The following L3MBTL2 variants were observed in gnomAD, a reference collection of about 807,000 sequenced individuals.
L3MBTL2 encodes L3MBTL histone methyl-lysine binding protein 2, also known as lethal(3)malignant brain tumor-like protein 2.
Under a neutral mutation model 86.4 loss-of-function variants are expected in L3MBTL2, and 49 were observed. The ratio of observed to expected loss-of-function variants is 0.57; its 90% CI spans 0.45 to 0.72. The LOEUF (loss-of-function observed/expected upper bound fraction) is 0.72, where lower values mean the gene tolerates loss of function less well. L3MBTL2 is among the 30% of genes least tolerant of loss of function. The pLI, the probability that L3MBTL2 is intolerant of heterozygous loss-of-function variation, is 0.00. For synonymous variants in L3MBTL2, 336 were observed against 350.6 expected (o/e 0.96, Z 0.47); for missense variants, 755 against 923.7 (o/e 0.82, Z 2.37).
At chr22:41,221,353 C>T in intron 8 of L3MBTL2, 66 bp downstream of exon 8, 1 of 1,317,550 alleles carries the variant, frequency 7.6e-7, no homozygotes, top group Non-Finnish European at 1.1e-6. Flanking sequence ...TCCTGCATGC[C>T]ACTCACTGGA....
rs139475 is a variant in L3MBTL2 at position 41,227,992 on chromosome 22, C to T, written c.1888+123C>T. On this transcript the variant is annotated intron_variant, in intron 15 of 16. Coordinates refer to ENST00000216237, the MANE Select transcript of L3MBTL2 (RefSeq NM_031488.5). This position sits in a 1 kb window ranked among gnomAD's most constrained non-coding sequence, Gnocchi z 6.0. The stretch of plus-strand genomic sequence containing the variant: ...CCCAGGTGCTGTCCTACTGACGTAG[C>T]TCTCTTCGTGTTCCTGTCCTGTCTC... The T allele has an allele frequency of 0.36, 529,031 of 1,458,450 alleles. 97,637 individuals are homozygous for T. The highest frequency in any genetic ancestry group is 0.44 in the African/African-American group (30,681 of 69,942). 90.3% of individuals were successfully genotyped at this position (1,458,450 alleles called of 1,614,324 possible).
At position 41,227,850 on chromosome 22, in the gene L3MBTL2, G is replaced by T. The variant is rs1251171816; in HGVS notation, c.1869G>T (p.Lys623Asn). The T allele has an allele frequency of 5.6e-6, 9 of 1,612,434 alleles. No individual in the cohort carries two copies. Among genetic ancestry groups the T allele is most frequent in the Non-Finnish European group, 6.8e-6 (8 of 1,179,270 alleles). ...CCAAAGAGGCCACAAAGAAGAAAAA[G>T]AAACAGTTTGGGAAGAAAAGTAAGT... ...LKAKEATKKKKKQFGKKRKRI... is the reference protein window; with the variant it reads ...LKAKEATKKKNKQFGKKRKRI... The change falls in exon 15 of 17, where the codon AAG becomes AAT. Residue 623 changes from lysine to asparagine, a missense_variant. Coordinates refer to ENST00000216237, the MANE Select transcript of L3MBTL2 (RefSeq NM_031488.5). The surrounding 1 kb of genome is among the most constrained non-coding windows in gnomAD (Gnocchi z 6.0).
At chr22:41,220,223 G>A (rs964007069) in intron 6 of L3MBTL2, among the ~76,000 whole-genome samples, 12 of 152,196 alleles carry the variant, frequency 7.9e-5, no homozygotes, top group Non-Finnish European at 1.0e-4. Context: ...TTCATTCCAA[G>A]GATGATCAGG....
At chr22:41,221,723 CAGCCTCCCAAGT>C (rs1214582665) in intron 8 of L3MBTL2, among the ~76,000 whole-genome samples, 1 of 151,976 alleles carries the variant, frequency 6.6e-6, no homozygotes, top group African/African-American at 2.4e-5. Context: ...TCTCCTGCCT[CAGCCTCCCAAGT>C]AGCTGGGACT....
chr22:41,210,144 T>C (rs1449041620), intron 2 of L3MBTL2: 2 of 134,450 alleles, frequency 1.5e-5, no homozygotes, highest in East Asian at 1.9e-4. Flanking sequence ...GTCTAATTTC[T>C]TTTTTTTTTT....
chr22:41,215,785 C>T (rs141085566), intron 3 of L3MBTL2, among the ~76,000 whole-genome samples: 64 of 152,208 alleles, frequency 4.2e-4, no homozygotes, highest in African/African-American at 1.4e-3. Context: ...AGTTCATGAG[C>T]GTTTCTGGGC....
intron 3 of L3MBTL2, 82 bp from the exon 4 acceptor site, chr22:41,216,057 C>A: frequency 2.0e-6 from 3 of 1,479,842 alleles, no homozygotes; most frequent in Non-Finnish European, 2.7e-6. Context: ...TGGCCCAAGC[C>A]CAGGACTTCA....
intron 6 of L3MBTL2, among the ~76,000 whole-genome samples, chr22:41,220,019 G>A (rs1349503494): frequency 6.6e-6 from 1 of 152,066 alleles, no homozygotes; most frequent in South Asian, 2.1e-4. Flanking sequence ...TTATAGGCGT[G>A]AGCCACCGTG....
rs753450026 is a variant in L3MBTL2, at chr22:41,225,081, G to A, written c.1356+10G>A. 3 of 1,606,940 alleles carry A rather than the reference G, an allele frequency of 1.9e-6. No individual in the cohort carries two copies. Among genetic ancestry groups the A allele is most frequent in the South Asian group, 1.1e-5 (1 of 90,624 alleles). On this transcript the variant is annotated intron_variant, in intron 11 of 16. Transcript: ENST00000216237. This position sits in a 1 kb window ranked among gnomAD's most constrained non-coding sequence, Gnocchi z 4.1. ...GGCAACTGTCTGTAAGGTGAGCCAG[G>A]GGCCGGCTCTCCAGCCTCCAGATTT...
rs1254576055 is a variant in L3MBTL2 at position 41,225,680 on chromosome 22, G to A, written c.1357-114G>A. The A allele has an allele frequency of 2.7e-6, 3 of 1,122,596 alleles. No individual in the cohort carries two copies. Among genetic ancestry groups the A allele is most frequent in the Middle Eastern group, 5.5e-4 (2 of 3,608 alleles). The allele number at this position is 1,122,596 out of a possible 1,614,324, so 69.5% of individuals were successfully genotyped here. On this transcript the variant is annotated intron_variant, in intron 11 of 16. Coordinates refer to ENST00000216237, the MANE Select transcript of L3MBTL2 (RefSeq NM_031488.5). The surrounding 1 kb of genome is among the most constrained non-coding windows in gnomAD (Gnocchi z 4.1). ...CTCAGGTGTCCTCCAGGAGGGCCAT[G>A]CCCTAGATCCGTTTGGATCCATTTG...
chr22:41,208,453 G>A (rs1464292040), intron 1 of L3MBTL2: 2 of 302,790 alleles, frequency 6.6e-6, no homozygotes, highest in South Asian at 2.5e-5. Context: ...TCTGTTACAT[G>A]CTGGGTAGAT....
chr22:41,230,085 A>ACC, intron 16 of L3MBTL2, 54 bp from the exon 17 acceptor site: 1 of 262,196 alleles, frequency 3.8e-6, no homozygotes, highest in Non-Finnish European at 6.8e-6. Context: ...CTCCGCCCCC[A>ACC]CCCCTCCCAG....
At chr22:41,228,351 G>A (rs530853245) in intron 15 of L3MBTL2, 5 of 985,484 alleles carry the variant, frequency 5.1e-6, no homozygotes, top group East Asian at 1.1e-4. Flanking sequence ...CTGGCTCTCA[G>A]GCCGTGGGTG....
In L3MBTL2 at chr22:41,230,196, CA is replaced by C. The variant is rs1569155397; in HGVS notation, c.2065del (p.Ser689ValfsTer27). On this transcript the variant is annotated frameshift_variant, in exon 17 of 17. Transcript: ENST00000216237. LOFTEE classifies it high-confidence loss of function. Reference sequence around the variant, plus strand: ...GACGTGGCCTCGCCCGACAAGGCTTCAAGTCCAGAGCTGCCTGTCTCCGTCG... The same window carrying C: ...GACGTGGCCTCGCCCGACAAGGCTTCAGTCCAGAGCTGCCTGTCTCCGTCG... ...HLDVASPDKA[S>X]SPELPVSVEN... 2.5e-6 allele frequency: 4 copies of C among 1,601,060 alleles called. No individual in the cohort carries two copies. The highest frequency in any genetic ancestry group is 3.4e-6 in the Non-Finnish European group (4 of 1,171,742).
Position 41,209,911 on chromosome 22 carries a change from G to A in L3MBTL2, c.240G>A (p.Leu80=). Residue 80 remains leucine, a synonymous_variant, in exon 2 of 17, where the codon TTG becomes TTA. Coordinates refer to ENST00000216237, the MANE Select transcript of L3MBTL2 (RefSeq NM_031488.5). Reference sequence around the variant, plus strand: ...TCAGCCCTGGGACTCCTCGCTCCTTGGATGGCAGTGGTTCTGAGCCAGGTG... The same window carrying A: ...TCAGCCCTGGGACTCCTCGCTCCTTAGATGGCAGTGGTTCTGAGCCAGGTG... The part of the protein sequence containing the change: ...HLLSPGTPRS[L]DGSGSEPAVC... The A allele has an allele frequency of 6.2e-7, 1 of 1,613,876 alleles. No individual in the cohort carries two copies. Among genetic ancestry groups the A allele is most frequent in the Non-Finnish European group, 8.5e-7 (1 of 1,179,862 alleles).
At position 41,217,163 on chromosome 22, in the gene L3MBTL2, TCA is replaced by T. The variant is rs1177026450; in HGVS notation, c.564_565del (p.His188GlnfsTer17). 3 of 1,613,808 alleles carry T rather than the reference TCA, an allele frequency of 1.9e-6. No homozygotes were observed. The highest frequency in any genetic ancestry group is 2.7e-5 in the African/African-American group (2 of 74,902). On this transcript the variant is annotated frameshift_variant, in exon 5 of 17. Coordinates refer to ENST00000216237, the MANE Select transcript of L3MBTL2 (RefSeq NM_031488.5). LOFTEE classifies it high-confidence loss of function. ...TCGACTGGGGGAAGTTCCTGAAGGA[TCA>T]CAGTTACAAGGCTGCTCCCGTCAGC... is the stretch of plus-strand genomic sequence containing the variant. ...GFDWGKFLKD[H>X]SYKAAPVSCF...
intron 6 of L3MBTL2, among the ~76,000 whole-genome samples, chr22:41,220,310 T>C (rs931483467): frequency 2.0e-5 from 3 of 152,228 alleles, no homozygotes; most frequent in Non-Finnish European, 1.5e-5. Flanking sequence ...GCTAGGACTG[T>C]TGTGGACAAC....
chr22:41,210,647 A>T (rs2030686487), intron 2 of L3MBTL2, among the ~76,000 whole-genome samples: 1 of 152,024 alleles, frequency 6.6e-6, no homozygotes, highest in African/African-American at 2.4e-5. Flanking sequence ...TATTTTTAGT[A>T]GAGGCGGGGT....
At chr22:41,210,328 TTTTGTTTG>T (rs772349696) in intron 2 of L3MBTL2, among the ~76,000 whole-genome samples, 2 of 151,874 alleles carry the variant, frequency 1.3e-5, no homozygotes, top group Admixed American at 6.6e-5. Flanking sequence ...TTTTGTATTT[TTTTGTTTG>T]TTTGTTTGTT....
Sources: gnomAD v4.1 joint callset for allele counts (sites outside exome capture counted in the v4.1 genomes callset) on GRCh38, gnomAD v4.1.1 for gene constraint, Gnocchi (gnomAD v3.1) non-coding constraint, MANE v1.5 for transcripts, NCBI Gene and HGNC (gene_info 2026-07-23, HGNC 2026-07-21) for gene names.